The following LDB2 variants were observed in gnomAD, a reference collection of about 807,000 sequenced individuals.
LDB2 encodes LIM domain-binding protein 2.
LDB2 carries 12 observed loss-of-function variants against 44.3 expected under a neutral mutation model. That is an observed-to-expected ratio of 0.27 (90% CI 0.17 to 0.44). LDB2 has a LOEUF of 0.44. LDB2 is among the 20% of genes least tolerant of loss of function. The pLI is 1.00. For missense variants in LDB2, 344 were observed against 473.5 expected, an observed-to-expected ratio of 0.73 and a Z score of 2.54; for synonymous variants, 164 against 174.8, an observed-to-expected ratio of 0.94 and a Z score of 0.49.
At chr4:16,560,424 G>A (rs973593922) in intron 5 of LDB2, among the ~76,000 whole-genome samples, 1 of 152,132 alleles carries the variant, frequency 6.6e-6, no homozygotes, top group African/African-American at 2.4e-5. Context: ...TACCATCAGA[G>A]AATAGTACAA....
chr4:16,571,731 C>G (rs1746601249), intron 5 of LDB2, among the ~76,000 whole-genome samples: 1 of 152,308 alleles, frequency 6.6e-6, no homozygotes, highest in African/African-American at 2.4e-5. Context: ...GTGCCTTGCC[C>G]TGGTAGGACT....
At chr4:16,798,621 A>C (rs569314226) in intron 1 of LDB2, among the ~76,000 whole-genome samples, 1 of 152,214 alleles carries the variant, frequency 6.6e-6, no homozygotes, top group Non-Finnish European at 1.5e-5. Context: ...CTCTTCCCTC[A>C]CACATCTCCT....
chr4:16,546,797 G>T (rs1386433399), intron 5 of LDB2, among the ~76,000 whole-genome samples: 1 of 152,082 alleles, frequency 6.6e-6, no homozygotes, highest in Non-Finnish European at 1.5e-5. Context: ...TGGGTTTCTA[G>T]CTCTCTCTTC....
intron 5 of LDB2, among the ~76,000 whole-genome samples, chr4:16,560,128 T>C (rs1223705057): frequency 3.9e-5 from 6 of 152,020 alleles, no homozygotes; most frequent in East Asian, 1.9e-4. Context: ...AGATCCAAAA[T>C]TGACACCCTA....
Position 16,534,189 on chromosome 4 carries a change from T to C in LDB2, c.616-22085A>G, listed in dbSNP as rs551345423. Among the ~76,000 whole-genome samples, 17 of 152,274 alleles carry C rather than the reference T, an allele frequency of 1.1e-4. 1 individual carries two copies. The highest frequency in any genetic ancestry group is 3.3e-4 in the Admixed American group (5 of 15,294). The stretch of plus-strand genomic sequence containing the variant: ...ACAGTGCCTGCAGGGAGGAAACCCA[T>C]TTTAAAGTCCAAGCTTGAGTGAATT... On this transcript the variant is annotated intron_variant, in intron 5 of 7. Coordinates refer to ENST00000304523, the MANE Select transcript of LDB2 (RefSeq NM_001290.5).
chr4:16,844,276 G>T (rs1197332914), intron 1 of LDB2, among the ~76,000 whole-genome samples: 1 of 131,840 alleles, frequency 7.6e-6, no homozygotes, highest in Non-Finnish European at 1.6e-5. Context: ...AAAAAAAAAG[G>T]ATCTATCAAT....
intron 1 of LDB2, among the ~76,000 whole-genome samples, chr4:16,849,175 G>A (rs1461726159): frequency 6.6e-6 from 1 of 151,758 alleles, no homozygotes; most frequent in African/African-American, 2.4e-5. Context: ...CTTGCCATTG[G>A]CTCCTGCCTG....
At chr4:16,521,374 A>T (rs1232491361) in intron 5 of LDB2, among the ~76,000 whole-genome samples, 1 of 152,082 alleles carries the variant, frequency 6.6e-6, no homozygotes, top group Non-Finnish European at 1.5e-5. Context: ...CCATCTGCAC[A>T]TGGCCTTTAC....
At chr4:16,821,457 C>T (rs1184412406) in intron 1 of LDB2, among the ~76,000 whole-genome samples, 1 of 150,018 alleles carries the variant, frequency 6.7e-6, no homozygotes, top group African/African-American at 2.4e-5. Flanking sequence ...CATCTCGGCT[C>T]ACTGCAAGCT....
intron 2 of LDB2, among the ~76,000 whole-genome samples, chr4:16,706,220 C>A (rs1754578590): frequency 6.6e-6 from 1 of 152,148 alleles, no homozygotes; most frequent in Admixed American, 6.6e-5. Flanking sequence ...CTTCCACCCC[C>A]AAATTCATAT....
chr4:16,541,762 T>G (rs576151469), intron 5 of LDB2, among the ~76,000 whole-genome samples: 1 of 152,230 alleles, frequency 6.6e-6, no homozygotes, highest in South Asian at 2.1e-4. Context: ...ATCTATCACA[T>G]AAAACATAAA....
chr4:16,762,214 A>G (rs929084090), intron 1 of LDB2, among the ~76,000 whole-genome samples: 6 of 152,260 alleles, frequency 3.9e-5, no homozygotes, highest in Middle Eastern at 3.4e-3. Context: ...AATGAACTTT[A>G]TAAAATAGTC....
At chr4:16,693,858 AG>A (rs1462462053) in intron 2 of LDB2, among the ~76,000 whole-genome samples, 1 of 152,216 alleles carries the variant, frequency 6.6e-6, no homozygotes, top group African/African-American at 2.4e-5. Flanking sequence ...CAGGAATTCC[AG>A]GGGAGACCTG....
intron 2 of LDB2, chr4:16,674,275 C>A (rs4698505): frequency 0.77 from 993,522 of 1,287,708 alleles, 384,814 homozygotes; most frequent in South Asian, 0.87. Flanking sequence ...TCCGAATCCC[C>A]GAGCTGGTTG....
intron 5 of LDB2, among the ~76,000 whole-genome samples, chr4:16,558,208 G>C (rs1264201278): frequency 1.3e-5 from 2 of 152,200 alleles, no homozygotes; most frequent in African/African-American, 4.8e-5. Context: ...AAGCTGGATG[G>C]AGAATGACTT....
chr4:16,553,421 CA>C (rs1738363422), intron 5 of LDB2, among the ~76,000 whole-genome samples: 1 of 152,148 alleles, frequency 6.6e-6, no homozygotes, highest in South Asian at 2.1e-4. Context: ...CTCGGCCTTC[CA>C]AAGCACTGGG....
At chr4:16,630,699 C>T (rs1731682428) in intron 2 of LDB2, among the ~76,000 whole-genome samples, 1 of 152,100 alleles carries the variant, frequency 6.6e-6, no homozygotes, top group South Asian at 2.1e-4. Flanking sequence ...ATCCATCTCA[C>T]ATTCAAAGAT....
intron 5 of LDB2, among the ~76,000 whole-genome samples, chr4:16,545,715 A>G (rs1242125359): frequency 1.3e-5 from 2 of 152,340 alleles, no homozygotes; most frequent in African/African-American, 4.8e-5. Context: ...CATGCTTCTG[A>G]CAGCCCCTGC....
At chr4:16,807,864 A>C (rs1157360466) in intron 1 of LDB2, among the ~76,000 whole-genome samples, 1 of 152,234 alleles carries the variant, frequency 6.6e-6, no homozygotes, top group Admixed American at 6.5e-5. Flanking sequence ...ATTTCTAAAC[A>C]GGGCAAAAAA....
Sources: gnomAD v4.1 joint callset for allele counts (sites outside exome capture counted in the v4.1 genomes callset) on GRCh38, gnomAD v4.1.1 for gene constraint, MANE v1.5 for transcripts, NCBI Gene and HGNC (gene_info 2026-07-23, HGNC 2026-07-21) for gene names.